Variants in PHTF2 observed in about 807,000 individuals in gnomAD.
PHTF2 encodes protein PHTF2.
PHTF2 carries 60 observed loss-of-function variants against 101.2 expected under a neutral mutation model. The ratio of observed to expected loss-of-function variants is 0.59; its 90% CI spans 0.48 to 0.73. PHTF2 has a LOEUF of 0.73. PHTF2 is among the 30% of genes least tolerant of loss of function. PHTF2 has a pLI of 0.00. For synonymous variants in PHTF2, 311 were observed against 307.3 expected (o/e 1.01, Z -0.13); for missense variants, 747 against 908.7 (o/e 0.82, Z 2.29).
intron 1 of PHTF2, among the ~76,000 whole-genome samples, chr7:77,827,935 A>G (rs1407086577): frequency 6.6e-6 from 1 of 152,128 alleles, no homozygotes; most frequent in Non-Finnish European, 1.5e-5. Context: ...CGAGCCACGG[A>G]GCCCAGCCTC....
chr7:77,850,033 T>C lies in PHTF2; in HGVS notation c.46-4700T>C, dbSNP rs528354286. Among the ~76,000 whole-genome samples the C allele has an allele frequency of 1.1e-3, 173 of 151,996 alleles. 2 individuals carry two copies. The highest frequency in any genetic ancestry group is 3.4e-3 in the Middle Eastern group (1 of 294). On this transcript the variant is annotated intron_variant, in intron 2 of 19. Coordinates refer to ENST00000416283, the Ensembl canonical transcript of PHTF2. Reference sequence around the variant, plus strand: ...CTGATTGCCCTAGCTAGGACTTCCATTGCCGTGTTGAATAACATTGGTGAA... The same window carrying C: ...CTGATTGCCCTAGCTAGGACTTCCACTGCCGTGTTGAATAACATTGGTGAA...
In PHTF2 at chr7:77,930,811, C is replaced by G. The variant is rs553704678; in HGVS notation, c.1338+1484C>G. ...GGAGCTCTGGTCTCTTTACCTCTGT[C>G]TGGTTTTGGTTGGAGTTAGGCTGAT... On this transcript the variant is annotated intron_variant, in intron 12 of 19. Coordinates refer to ENST00000416283, the Ensembl canonical transcript of PHTF2. Among the ~76,000 whole-genome samples, 3 of 152,276 alleles carry G rather than the reference C, an allele frequency of 2.0e-5. No homozygotes were observed. In the South Asian group the frequency reaches 6.2e-4, roughly 32 times the overall value.
intron 12 of PHTF2, among the ~76,000 whole-genome samples, chr7:77,929,561 C>T (rs542795265): frequency 2.0e-5 from 3 of 152,168 alleles, no homozygotes; most frequent in East Asian, 3.9e-4. Context: ...TAAGTCAAAT[C>T]GTGTGTTAGG....
At position 77,817,967 on chromosome 7, in the gene PHTF2, G is replaced by T. The variant is rs534880912; in HGVS notation, c.-36+18996G>T. Among the ~76,000 whole-genome samples the T allele has an allele frequency of 2.2e-4, 34 of 152,030 alleles. 1 individual carries two copies. Among genetic ancestry groups the T allele is most frequent in the Admixed American group, 2.1e-3 (32 of 15,262 alleles). On this transcript the variant is annotated intron_variant, in intron 1 of 19. Transcript: ENST00000416283. The stretch of plus-strand genomic sequence containing the variant: ...TACTAAAAATACAAAAAAATTAGCC[G>T]GGCATGGTGGCGGGCGCCTGTAATC...
intron 11 of PHTF2, 45 bp from the exon 11 acceptor site, chr7:77,929,064 A>T: frequency 7.2e-7 from 1 of 1,396,756 alleles, no homozygotes; most frequent in Non-Finnish European, 1.0e-6. Flanking sequence ...TGAGTTGGAA[A>T]GAGTACATAA....
intron 11 of PHTF2, among the ~76,000 whole-genome samples, chr7:77,924,963 T>C (rs933189340): frequency 6.6e-6 from 1 of 152,194 alleles, no homozygotes; most frequent in African/African-American, 2.4e-5. Context: ...CTTGGTTATC[T>C]GGGATGCAGG....
intron 7 of PHTF2, among the ~76,000 whole-genome samples, chr7:77,906,005 C>T (rs562773479): frequency 7.3e-5 from 11 of 151,652 alleles, no homozygotes; most frequent in Admixed American, 2.0e-4. Flanking sequence ...TTTTTTGAGA[C>T]GGAGTCTCGC....
chr7:77,894,060 C>A, intron 5 of PHTF2, 67 bp downstream of exon 4: 6 of 1,213,970 alleles, frequency 4.9e-6, no homozygotes, highest in Non-Finnish European at 7.4e-6. Flanking sequence ...TAATTGAGAT[C>A]TGCTTTTTGG....
At chr7:77,911,205 A>G (rs1309784993) in intron 9 of PHTF2, among the ~76,000 whole-genome samples, 2 of 152,028 alleles carry the variant, frequency 1.3e-5, no homozygotes, top group Non-Finnish European at 2.9e-5. Context: ...GCATACAACT[A>G]TACAAAAATG....
chr7:77,828,974 G>C (rs1195647732), intron 1 of PHTF2, among the ~76,000 whole-genome samples: 1 of 152,102 alleles, frequency 6.6e-6, no homozygotes, highest in Non-Finnish European at 1.5e-5. Flanking sequence ...AGGAGTTTGA[G>C]ACCAGCCTGG....
chr7:77,905,902 C>T (rs1460702593), intron 7 of PHTF2, among the ~76,000 whole-genome samples: 4 of 152,240 alleles, frequency 2.6e-5, no homozygotes, highest in African/African-American at 9.6e-5. Context: ...TCTCTAGCAG[C>T]ACTGTCTAGT....
At chr7:77,939,589 C>CAAAAA (rs914007792) in intron 13 of PHTF2, among the ~76,000 whole-genome samples, 3 of 75,112 alleles carry the variant, frequency 4.0e-5, no homozygotes, top group African/African-American at 7.9e-5. Flanking sequence ...GACCCTGTCT[C>CAAAAA]AAAAAAAAAA....
chr7:77,933,531 C>T (rs895372081), intron 12 of PHTF2, among the ~76,000 whole-genome samples: 1 of 152,016 alleles, frequency 6.6e-6, no homozygotes, highest in Non-Finnish European at 1.5e-5. Flanking sequence ...GTGGGAGTAG[C>T]GTCCTTGGGA....
At position 77,924,173 on chromosome 7, in the gene PHTF2, T is replaced by C. The variant is rs973815317; in HGVS notation, c.1119+1395T>C. ...TAAAGCCTCCTTTGAATAAATAAAA[T>C]GGAAACAGAAGATTTGTAGTGCTCT... On this transcript the variant is annotated intron_variant, in intron 11 of 19. Coordinates refer to ENST00000416283, the Ensembl canonical transcript of PHTF2. 8.6e-6 allele frequency: 8 copies of C among 934,750 alleles called. No homozygotes were observed. The South Asian group carries it at 2.0e-4, about 23-fold the overall frequency. 57.9% of individuals were successfully genotyped at this position (934,750 alleles called of 1,614,324 possible).
chr7:77,954,116 T>A (rs906734068), intron 19 of PHTF2, among the ~76,000 whole-genome samples: 2 of 152,132 alleles, frequency 1.3e-5, no homozygotes, highest in Non-Finnish European at 1.5e-5. Flanking sequence ...TTGTGTAGGA[T>A]AAGTAGAAGT....
chr7:77,805,259 T>C (rs1026706973), intron 1 of PHTF2, among the ~76,000 whole-genome samples: 1 of 152,202 alleles, frequency 6.6e-6, no homozygotes, highest in African/African-American at 2.4e-5. Context: ...AGACATATAG[T>C]GCTGTCCTCT....
chr7:77,939,589 CAAAAAAAAAAAAA>C (rs914007792), intron 13 of PHTF2, among the ~76,000 whole-genome samples: 5 of 75,090 alleles, frequency 6.7e-5, no homozygotes, highest in African/African-American at 2.0e-4. Context: ...GACCCTGTCT[CAAAAAAAAAAAAA>C]AAAAAAGAAA....
chr7:77,923,599 A>G (rs544849575), intron 11 of PHTF2: 2 of 985,368 alleles, frequency 2.0e-6, no homozygotes, highest in East Asian at 1.1e-4. Flanking sequence ...TTCTTTTCCC[A>G]GTGGTTGCCA....
At chr7:77,802,931 AAATCTG>A (rs1345775355) in intron 1 of PHTF2, among the ~76,000 whole-genome samples, 24 of 152,384 alleles carry the variant, frequency 1.6e-4, no homozygotes, top group African/African-American at 5.0e-4. Context: ...TTAAATTTAC[AAATCTG>A]AAACATCACT....
Sources: gnomAD v4.1 joint callset for allele counts (sites outside exome capture counted in the v4.1 genomes callset) on GRCh38, gnomAD v4.1.1 for gene constraint, MANE v1.5 for transcripts, NCBI Gene and HGNC (gene_info 2026-07-23, HGNC 2026-07-21) for gene names.